Variants in APLF observed in about 807,000 individuals in gnomAD.
APLF encodes aprataxin and PNKP like factor.
In APLF, 61 loss-of-function variants were observed where a neutral mutation model predicts 55.6. The ratio of observed to expected loss-of-function variants is 1.10; its 90% CI spans 0.89 to 1.36. The LOEUF (loss-of-function observed/expected upper bound fraction) is 1.36. Ranked by LOEUF, APLF falls within the 40% of genes most tolerant of loss-of-function variation. The pLI, the probability that APLF is intolerant of heterozygous loss-of-function variation, is 0.00. For synonymous variants in APLF, 207 were observed against 214.8 expected, an observed-to-expected ratio of 0.96 and a Z score of 0.32; for missense variants, 611 against 602.5, an observed-to-expected ratio of 1.01 and a Z score of -0.15.
At chr2:68,469,060 G>T (rs1320030764) in intron 1 of APLF, among the ~76,000 whole-genome samples, 1 of 151,720 alleles carries the variant, frequency 6.6e-6, no homozygotes, top group East Asian at 1.9e-4. Context: ...TGTGCATGTG[G>T]TAAGGTTATT....
At chr2:68,477,993 A>G (rs1050730081) in intron 1 of APLF, among the ~76,000 whole-genome samples, 2 of 151,524 alleles carry the variant, frequency 1.3e-5, no homozygotes, top group African/African-American at 4.9e-5. Context: ...AAACTATACT[A>G]TATCACTCTT....
intron 9 of APLF, among the ~76,000 whole-genome samples, chr2:68,577,162 G>A (rs898412424): frequency 2.0e-5 from 3 of 152,182 alleles, no homozygotes; most frequent in East Asian, 1.9e-4. Context: ...CTAAGCTCAC[G>A]CCCTGATGTG....
chr2:68,529,033 G>A lies in APLF; in HGVS notation c.804+2791G>A. 1 of 1,489,110 alleles carries A rather than the reference G, an allele frequency of 6.7e-7. No homozygotes were observed. Among genetic ancestry groups the A allele is most frequent in the Non-Finnish European group, 9.1e-7 (1 of 1,104,000 alleles). 92.2% of individuals were successfully genotyped at this position (1,489,110 alleles called of 1,614,324 possible). On this transcript the variant is annotated intron_variant, in intron 6 of 9. Coordinates refer to ENST00000303795, the MANE Select transcript of APLF (RefSeq NM_173545.3). This position sits in a 1 kb window ranked among gnomAD's most constrained non-coding sequence, Gnocchi z 4.4. ...CCCTCACCTCCATTTTCGGGAGCCTGGCTGGGATCACCTGCTCATCTAATG... is the reference window on the plus strand; with the variant it reads ...CCCTCACCTCCATTTTCGGGAGCCTAGCTGGGATCACCTGCTCATCTAATG...
intron 6 of APLF, among the ~76,000 whole-genome samples, chr2:68,535,963 C>T (rs1263386083): frequency 6.6e-6 from 1 of 152,176 alleles, no homozygotes; most frequent in South Asian, 2.1e-4. Context: ...ACAAGAGATA[C>T]ATTTTATTGA....
chr2:68,516,929 A>G lies in APLF; in HGVS notation c.622+3249A>G, dbSNP rs971719638. 5.5e-5 allele frequency among the ~76,000 whole-genome samples: 7 copies of G among 127,362 alleles called. 1 individual carries two copies. The highest frequency in any genetic ancestry group is 1.1e-4 in the Non-Finnish European group (7 of 63,636). The allele number at this position is 127,362 out of a possible 152,430, so 83.6% of individuals were successfully genotyped here. Reference sequence around the variant, plus strand: ...ATATATCCTATATAACATTATATATAATATATAATATAATATATATAATAT... The same window carrying G: ...ATATATCCTATATAACATTATATATGATATATAATATAATATATATAATAT... On this transcript the variant is annotated intron_variant, in intron 5 of 9. Transcript: ENST00000303795.
At chr2:68,527,548 A>C (rs1156878785) in intron 6 of APLF, among the ~76,000 whole-genome samples, 1 of 129,124 alleles carries the variant, frequency 7.7e-6, no homozygotes, top group Non-Finnish European at 1.7e-5. Flanking sequence ...GGCAGTGGCC[A>C]GGCAGAAGCG....
intron 7 of APLF, 26 bp from the exon 8 acceptor site, chr2:68,545,161 T>A: frequency 6.2e-7 from 1 of 1,604,676 alleles, no homozygotes; most frequent in Non-Finnish European, 8.5e-7. Flanking sequence ...TTTTTTTTTC[T>A]GACAGTATAT....
At chr2:68,531,925 G>A (rs1670268657) in intron 6 of APLF, among the ~76,000 whole-genome samples, 1 of 152,176 alleles carries the variant, frequency 6.6e-6, no homozygotes, top group African/African-American at 2.4e-5. Context: ...TCCGAGGAAT[G>A]CCCAAGTTCT....
At chr2:68,538,301 A>G in intron 7 of APLF, 74 bp downstream of exon 7, 2 of 1,353,892 alleles carry the variant, frequency 1.5e-6, no homozygotes, top group Non-Finnish European at 2.0e-6. Flanking sequence ...ATGCTACAGT[A>G]TATTAAAAAC....
At chr2:68,559,269 T>C (rs1365292084) in intron 8 of APLF, among the ~76,000 whole-genome samples, 1 of 152,156 alleles carries the variant, frequency 6.6e-6, no homozygotes, top group Non-Finnish European at 1.5e-5. Flanking sequence ...AGCTCAGTTA[T>C]GTGCCTGCTA....
At chr2:68,570,285 T>C (rs988278725) in intron 9 of APLF, among the ~76,000 whole-genome samples, 1 of 131,394 alleles carries the variant, frequency 7.6e-6, no homozygotes, top group African/African-American at 3.3e-5. Flanking sequence ...TCTTTTTTTT[T>C]TAATATATAT....
At chr2:68,500,546 T>C (rs553941051) in intron 2 of APLF, among the ~76,000 whole-genome samples, 1 of 152,212 alleles carries the variant, frequency 6.6e-6, no homozygotes, top group Non-Finnish European at 1.5e-5. Flanking sequence ...ATCCTAGCCT[T>C]TGTAAGTTTG....
intron 1 of APLF, among the ~76,000 whole-genome samples, chr2:68,476,554 A>G (rs566031547): frequency 7.4e-4 from 112 of 152,094 alleles, no homozygotes; most frequent in African/African-American, 2.6e-3. Flanking sequence ...TTCGAAGTCA[A>G]TTACCAAGAG....
intron 7 of APLF, among the ~76,000 whole-genome samples, chr2:68,542,807 G>C (rs1333827724): frequency 6.6e-6 from 1 of 151,974 alleles, no homozygotes; most frequent in Non-Finnish European, 1.5e-5. Flanking sequence ...TCCACTTCTG[G>C]GTATATATCC....
rs898613454 is a variant in APLF, at chr2:68,552,181, T to C, written c.1286+6869T>C. On this transcript the variant is annotated intron_variant, in intron 8 of 9. Transcript: ENST00000303795. ...TTTGTTGCAAATACCTTCCCTCCAG[T>C]GGGACTTTGTCTCTGAAACACGACT... Among the ~76,000 whole-genome samples, 36 of 152,276 alleles carry C rather than the reference T, an allele frequency of 2.4e-4. 1 individual carries two copies. In the South Asian group the frequency reaches 2.7e-3, roughly 11 times the overall value.
intron 7 of APLF, among the ~76,000 whole-genome samples, chr2:68,544,026 G>T (rs2104015729): frequency 6.8e-6 from 1 of 147,102 alleles, no homozygotes; most frequent in South Asian, 2.1e-4. Context: ...CTGTCACCCA[G>T]GCTGGAGTGC....
chr2:68,532,253 A>G (rs957893440), intron 6 of APLF, among the ~76,000 whole-genome samples: 2 of 152,256 alleles, frequency 1.3e-5, no homozygotes, highest in African/African-American at 2.4e-5. Flanking sequence ...TGCCAGCTAC[A>G]AAAAACTAAC....
chr2:68,555,574 A>G (rs546469643), intron 8 of APLF, among the ~76,000 whole-genome samples: 3 of 152,152 alleles, frequency 2.0e-5, no homozygotes, highest in Non-Finnish European at 2.9e-5. Context: ...CAATATCACT[A>G]GTGATCAGGG....
intron 1 of APLF, among the ~76,000 whole-genome samples, chr2:68,480,110 T>A (rs1011405353): frequency 4.6e-5 from 7 of 152,140 alleles, no homozygotes; most frequent in Non-Finnish European, 5.9e-5. Context: ...GGTAGTTAAG[T>A]TTTGGGGGAG....
Sources: allele counts gnomAD v4.1 joint callset (sites outside exome capture counted in the v4.1 genomes callset), GRCh38; gene constraint gnomAD v4.1.1; non-coding constraint Gnocchi (gnomAD v3.1); transcripts MANE v1.5; gene names NCBI Gene and HGNC (gene_info 2026-07-23, HGNC 2026-07-21).